The following LRMDA variants were observed in gnomAD, a reference collection of about 807,000 sequenced individuals.
LRMDA encodes leucine rich melanocyte differentiation associated.
LRMDA carries 18 observed loss-of-function variants against 29.8 expected under a neutral mutation model. The ratio of observed to expected loss-of-function variants is 0.60; its 90% CI spans 0.42 to 0.90. LRMDA has a LOEUF of 0.90. Ranked by LOEUF, LRMDA falls within the 40% of genes least tolerant of loss-of-function variation. The pLI, the probability that LRMDA is intolerant of heterozygous loss-of-function variation, is 0.00. For synonymous variants in LRMDA, 125 were observed against 109.4 expected, an observed-to-expected ratio of 1.14 and a Z score of -0.89; for missense variants, 273 against 273.9, an observed-to-expected ratio of 1.00 and a Z score of 0.02.
At chr10:75,622,199 A>C (rs1841197259) in intron 2 of LRMDA, among the ~76,000 whole-genome samples, 1 of 152,348 alleles carries the variant, frequency 6.6e-6, no homozygotes, top group East Asian at 1.9e-4. Context: ...TGGTATAAGA[A>C]GAGAGAAGAT....
chr10:75,613,299 C>G (rs943176023), intron 2 of LRMDA, among the ~76,000 whole-genome samples: 1 of 152,122 alleles, frequency 6.6e-6, no homozygotes, highest in East Asian at 1.9e-4. Flanking sequence ...ACACATACAT[C>G]AGACTTGCAG....
intron 2 of LRMDA, among the ~76,000 whole-genome samples, chr10:75,727,573 A>C (rs1191777075): frequency 2.0e-5 from 3 of 152,216 alleles, no homozygotes; most frequent in Non-Finnish European, 4.4e-5. Flanking sequence ...TACACTGTGT[A>C]TATTTTACAG....
At chr10:76,029,597 C>A (rs1360861142) in intron 2 of LRMDA, among the ~76,000 whole-genome samples, 1 of 152,144 alleles carries the variant, frequency 6.6e-6, no homozygotes, top group African/African-American at 2.4e-5. Context: ...GGAGAATCTA[C>A]CTTCTTACCT....
chr10:75,842,310 T>A (rs1344691613), intron 2 of LRMDA, among the ~76,000 whole-genome samples: 1 of 152,262 alleles, frequency 6.6e-6, no homozygotes, highest in Non-Finnish European at 1.5e-5. Flanking sequence ...ATATTTATTA[T>A]ATTTTTAATT....
intron 2 of LRMDA, among the ~76,000 whole-genome samples, chr10:75,556,716 A>AAGGCTG (rs71024549): frequency 0.61 from 92,032 of 149,916 alleles, 31,118 homozygotes; most frequent in East Asian, 0.85. Flanking sequence ...CTGAAGCATA[A>AAGGCTG]GGGGTGGGGT....
chr10:75,660,931 G>A (rs1439325109), intron 2 of LRMDA, among the ~76,000 whole-genome samples: 1 of 152,146 alleles, frequency 6.6e-6, no homozygotes, highest in Non-Finnish European at 1.5e-5. Flanking sequence ...TAGCTGCTCT[G>A]TCTTGAACTC....
At chr10:75,894,805 G>A (rs1361109679) in intron 2 of LRMDA, among the ~76,000 whole-genome samples, 3 of 152,112 alleles carry the variant, frequency 2.0e-5, no homozygotes, top group Non-Finnish European at 4.4e-5. Flanking sequence ...ATGAAGAGGA[G>A]AAAACCACAA....
chr10:75,627,459 C>G (rs1841265390), intron 2 of LRMDA, among the ~76,000 whole-genome samples: 2 of 152,142 alleles, frequency 1.3e-5, no homozygotes, highest in African/African-American at 4.8e-5. Context: ...TGAGTTATGG[C>G]AGTTTTGCTT....
chr10:76,357,403 CT>C (rs1431777422), intron 6 of LRMDA, among the ~76,000 whole-genome samples: 8 of 152,150 alleles, frequency 5.3e-5, no homozygotes, highest in African/African-American at 1.9e-4. Context: ...CCAGTTTTTA[CT>C]CACCAAACTA....
chr10:76,521,094 A>G (rs1242736776), intron 6 of LRMDA, among the ~76,000 whole-genome samples: 2 of 150,664 alleles, frequency 1.3e-5, no homozygotes, highest in East Asian at 3.9e-4. Context: ...GCATGGTTTC[A>G]TGCTTTTCTC....
chr10:76,089,170 C>T (rs1345306891), intron 5 of LRMDA, among the ~76,000 whole-genome samples: 1 of 152,194 alleles, frequency 6.6e-6, no homozygotes, highest in Non-Finnish European at 1.5e-5. Flanking sequence ...TCACTTTCAT[C>T]TACCTCCTGT....
At chr10:76,477,085 C>T (rs1231321275) in intron 6 of LRMDA, among the ~76,000 whole-genome samples, 1 of 152,088 alleles carries the variant, frequency 6.6e-6, no homozygotes, top group Non-Finnish European at 1.5e-5. Flanking sequence ...AAAGGGCATT[C>T]AATTAGGAAA....
At chr10:75,462,395 CTAT>C (rs1408692066) in intron 2 of LRMDA, among the ~76,000 whole-genome samples, 15 of 152,054 alleles carry the variant, frequency 9.9e-5, no homozygotes, top group African/African-American at 3.6e-4. Context: ...TTTGTTGGAT[CTAT>C]TATTGGCATA....
intron 6 of LRMDA, among the ~76,000 whole-genome samples, chr10:76,395,544 T>G (rs12777253): frequency 6.6e-6 from 1 of 152,268 alleles, no homozygotes; most frequent in Non-Finnish European, 1.5e-5. Flanking sequence ...ATGAGCACAT[T>G]TGAACCCATT....
At chr10:75,892,275 C>T (rs765644459) in intron 2 of LRMDA, among the ~76,000 whole-genome samples, 3 of 152,160 alleles carry the variant, frequency 2.0e-5, no homozygotes, top group Non-Finnish European at 2.9e-5. Flanking sequence ...CCTGTCTATG[C>T]CAACTCCAGT....
chr10:75,916,912 T>G (rs1399006569), intron 2 of LRMDA, among the ~76,000 whole-genome samples: 1 of 152,200 alleles, frequency 6.6e-6, no homozygotes, highest in Non-Finnish European at 1.5e-5. Context: ...CTTTTTAGCC[T>G]AGGGGTTAGG....
intron 6 of LRMDA, among the ~76,000 whole-genome samples, chr10:76,329,089 C>A (rs183889450): frequency 6.6e-6 from 1 of 152,304 alleles, no homozygotes; most frequent in East Asian, 1.9e-4. Context: ...TCAGTCATTG[C>A]TGTTATCCAT....
At chr10:75,791,959 A>C (rs1227582416) in intron 2 of LRMDA, among the ~76,000 whole-genome samples, 1 of 144,490 alleles carries the variant, frequency 6.9e-6, no homozygotes, top group South Asian at 2.2e-4. Context: ...TCCCAGGTTC[A>C]CGCCATTCTC....
intron 5 of LRMDA, among the ~76,000 whole-genome samples, chr10:76,228,808 G>T (rs1328338525): frequency 6.6e-6 from 1 of 152,194 alleles, no homozygotes. Context: ...CACCTTAGCA[G>T]GACTCAGGTT....
Sources: allele counts gnomAD v4.1 joint callset (sites outside exome capture counted in the v4.1 genomes callset), GRCh38; gene constraint gnomAD v4.1.1; transcripts MANE v1.5; gene names NCBI Gene and HGNC (gene_info 2026-07-23, HGNC 2026-07-21).